The following LMNA variants were observed in gnomAD, a reference collection of about 807,000 sequenced individuals.
The protein encoded by LMNA is lamin A/C.
In LMNA, 20 loss-of-function variants were observed where a neutral mutation model predicts 70.4. That is an observed-to-expected ratio of 0.28 (90% CI 0.20 to 0.41). The LOEUF is 0.41. Ranked by LOEUF, LMNA falls within the 10% of genes least tolerant of loss-of-function variation. LMNA has a pLI of 1.00. For missense variants in LMNA, 652 were observed against 917.2 expected (o/e 0.71, Z 3.73); for synonymous variants, 339 against 372.8 (o/e 0.91, Z 1.04).
chr1:156,117,742 C>T (rs190375763), intron 1 of LMNA, among the ~76,000 whole-genome samples: 5 of 152,210 alleles, frequency 3.3e-5, no homozygotes, highest in Admixed American at 3.3e-4. Flanking sequence ...ATGTTGCCCA[C>T]AGTCTTGAAC....
chr1:156,136,444 C>G lies in LMNA; in HGVS notation c.1380+8C>G. On this transcript the variant is annotated splice_region_variant and intron_variant, in intron 7 of 11. Transcript: ENST00000368300. The surrounding 1 kb of genome is among the most constrained non-coding windows in gnomAD (Gnocchi z 6.1). ...CGCAACAAGTCCAATGAGGTAGGCT[C>G]CTGCTCAGGGTCTAAGGGGATACAG... The G allele has an allele frequency of 1.9e-6, 3 of 1,562,840 alleles. No individual in the cohort carries two copies. The highest frequency in any genetic ancestry group is 2.6e-6 in the Non-Finnish European group (3 of 1,154,204).
Position 156,136,612 on chromosome 1 carries a change from G to A in LMNA, c.1380+176G>A, listed in dbSNP as rs1651661775. On this transcript the variant is annotated intron_variant, in intron 7 of 11. Transcript: ENST00000368300. This position sits in a 1 kb window ranked among gnomAD's most constrained non-coding sequence, Gnocchi z 6.1. ...CCTGGCTCCTGGACTCTTTGGCTGT[G>A]AGACCTTGAGCAGGTTATTTAACCT... 1 of 735,976 alleles carries A rather than the reference G, an allele frequency of 1.4e-6. No homozygotes were observed. Among genetic ancestry groups the A allele is most frequent in the Non-Finnish European group, 2.4e-6 (1 of 425,006 alleles). 45.6% of individuals were successfully genotyped at this position (735,976 alleles called of 1,614,324 possible). A position where few individuals can be genotyped will look rare whatever the true frequency, so the allele number is the denominator to read the frequency against.
intron 3 of LMNA, among the ~76,000 whole-genome samples, chr1:156,107,135 C>T (rs1649378628): frequency 1.3e-5 from 2 of 152,178 alleles, no homozygotes; most frequent in South Asian, 4.1e-4. Flanking sequence ...CTTGCCTGTG[C>T]ACCTCAAAGA....
At position 156,139,917 on chromosome 1, in the gene LMNA, T is replaced by G; in HGVS notation, c.*811T>G. On this transcript the variant is annotated 3_prime_UTR_variant, in exon 12 of 12. Transcript: ENST00000368300. ...GGTGCTGGGAGGAGGGAGAGGGAGGTCACTGGAAAGGGGAGAGCCTGCTGG... is the reference window on the plus strand; with the variant it reads ...GGTGCTGGGAGGAGGGAGAGGGAGGGCACTGGAAAGGGGAGAGCCTGCTGG... 1 of 1,313,936 alleles carries G rather than the reference T, an allele frequency of 7.6e-7. No individual in the cohort carries two copies. The allele number at this position is 1,313,936 out of a possible 1,614,324, so 81.4% of individuals were successfully genotyped here.
upstream of LMNA, chr1:156,109,818 G>GTGTGTGTGTGTGTATATA (rs1553261281): frequency 6.4e-4 from 84 of 131,762 alleles, 1 homozygote; most frequent in African/African-American, 1.1e-3. Flanking sequence ...GTGTGTGTGT[G>GTGTGTGTGTGTGTATATA]CATATATATA....
Position 156,137,870 on chromosome 1 carries a change from G to T in LMNA, c.1698+127G>T. The T allele has an allele frequency of 1.3e-6, 2 of 1,520,884 alleles. No individual in the cohort carries two copies. Among genetic ancestry groups the T allele is most frequent in the Non-Finnish European group, 1.8e-6 (2 of 1,138,004 alleles). The allele number at this position is 1,520,884 out of a possible 1,614,324, so 94.2% of individuals were successfully genotyped here. A position where few individuals can be genotyped will look rare whatever the true frequency, so the allele number is the denominator to read the frequency against. On this transcript the variant is annotated intron_variant, in intron 10 of 11. Coordinates refer to ENST00000368300, the MANE Select transcript of LMNA (RefSeq NM_170707.4). The surrounding 1 kb of genome is among the most constrained non-coding windows in gnomAD (Gnocchi z 4.6). ...TAAAGAATGTTTTGGAACTTTACTCGCTGGCCTGGCCTTTCTTCTCTCTCC... is the reference window on the plus strand; with the variant it reads ...TAAAGAATGTTTTGGAACTTTACTCTCTGGCCTGGCCTTTCTTCTCTCTCC...
intron 3 of LMNA, among the ~76,000 whole-genome samples, chr1:156,094,778 T>C (rs1381270929): frequency 2.0e-5 from 3 of 151,732 alleles, no homozygotes; most frequent in African/African-American, 7.3e-5. Context: ...TTCTTTTTTT[T>C]TGATGGGGTC....
chr1:156,114,640 T>G, upstream of LMNA: 6 of 136,512 alleles, frequency 4.4e-5, no homozygotes, highest in East Asian at 1.9e-4. Context: ...GGACTGCCCC[T>G]TTAAGAGTAG....
intron 3 of LMNA, among the ~76,000 whole-genome samples, chr1:156,099,621 C>T (rs776398136): frequency 1.5e-4 from 23 of 152,040 alleles, no homozygotes; most frequent in Non-Finnish European, 2.9e-4. Flanking sequence ...TAGTGGCTCA[C>T]ACCGTAATCC....
chr1:156,127,259 T>C (rs1160688578), intron 1 of LMNA, among the ~76,000 whole-genome samples: 1 of 152,194 alleles, frequency 6.6e-6, no homozygotes, highest in Non-Finnish European at 1.5e-5. Flanking sequence ...CCTAGTCATC[T>C]CTTGGGGTGT....
upstream of LMNA, among the ~76,000 whole-genome samples, chr1:156,112,624 G>C (rs975734765): frequency 1.3e-5 from 2 of 152,164 alleles, no homozygotes; most frequent in African/African-American, 4.8e-5. Context: ...CTGAGGGTGG[G>C]TGCCACGCCC....
chr1:156,096,088 A>T (rs1406321301), intron 3 of LMNA, among the ~76,000 whole-genome samples: 2 of 152,092 alleles, frequency 1.3e-5, no homozygotes, highest in Non-Finnish European at 2.9e-5. Flanking sequence ...CTCTGACCCA[A>T]CACATGCCTC....
chr1:156,126,913 C>A, intron 1 of LMNA: 1 of 1,599,820 alleles, frequency 6.3e-7, no homozygotes, highest in East Asian at 2.3e-5. Flanking sequence ...CAGGGTCTCC[C>A]CTGTGAGCAC....
Position 156,137,463 on chromosome 1 carries a change from C to A in LMNA, c.1609-191C>A. 1 of 772,746 alleles carries A rather than the reference C, an allele frequency of 1.3e-6. No homozygotes were observed. The highest frequency in any genetic ancestry group is 1.6e-5 in the South Asian group (1 of 63,852). The allele number at this position is 772,746 out of a possible 1,614,324, so 47.9% of individuals were successfully genotyped here. On this transcript the variant is annotated intron_variant, in intron 9 of 11. Transcript: ENST00000368300. This position sits in a 1 kb window ranked among gnomAD's most constrained non-coding sequence, Gnocchi z 4.6. ...GTTAAAGGCAGAGCCATACTCCTAC[C>A]CGGAGAGCTTGACAGTGTCCCTCTG...
At chr1:156,127,377 A>G (rs1650675198) in intron 1 of LMNA, among the ~76,000 whole-genome samples, 1 of 152,020 alleles carries the variant, frequency 6.6e-6, no homozygotes, top group African/African-American at 2.4e-5. Flanking sequence ...AGAAAACCAC[A>G]AAGGTTCTTC....
At position 156,138,950 on chromosome 1, in the gene LMNA, C is replaced by A. The variant is rs1651896186; in HGVS notation, c.1969-130C>A. 4 of 1,310,168 alleles carry A rather than the reference C, an allele frequency of 3.1e-6. No individual in the cohort carries two copies. The highest frequency in any genetic ancestry group is 4.4e-6 in the Non-Finnish European group (4 of 910,740). 81.2% of individuals were successfully genotyped at this position (1,310,168 alleles called of 1,614,324 possible). ...CTGCCCCTCTTGTCTGAGCCCCAGA[C>A]TGGAGGGCAGGGGCAGGGCTGGAGT... On this transcript the variant is annotated intron_variant, in intron 11 of 11. Transcript: ENST00000368300. This position sits in a 1 kb window ranked among gnomAD's most constrained non-coding sequence, Gnocchi z 5.5.
chr1:156,134,573 G>A lies in LMNA; in HGVS notation c.639+45G>A, dbSNP rs766737393. ...AGCCAGAGGGCTGGGGCTGGGTGAT[G>A]ACAGACTTGGGCTGGGCTAGGGGGG... is the stretch of plus-strand genomic sequence containing the variant. On this transcript the variant is annotated intron_variant, in intron 3 of 11. Coordinates refer to ENST00000368300, the MANE Select transcript of LMNA (RefSeq NM_170707.4). This position sits in a 1 kb window ranked among gnomAD's most constrained non-coding sequence, Gnocchi z 5.3. 1.1e-5 allele frequency: 17 copies of A among 1,612,166 alleles called. No individual in the cohort carries two copies. Among genetic ancestry groups the A allele is most frequent in the Non-Finnish European group, 1.4e-5 (16 of 1,179,774 alleles).
chr1:156,086,927 C>T (rs1416663844), intron 2 of LMNA, among the ~76,000 whole-genome samples: 1 of 152,212 alleles, frequency 6.6e-6, no homozygotes, highest in Non-Finnish European at 1.5e-5. Flanking sequence ...AGGCGTGAGC[C>T]ACCGCGCCCG....
At chr1:156,101,544 G>A (rs1307736836) in intron 3 of LMNA, among the ~76,000 whole-genome samples, 1 of 150,990 alleles carries the variant, frequency 6.6e-6, no homozygotes, top group African/African-American at 2.4e-5. Context: ...ACTGTGGGAA[G>A]GAGAAACAAT....
Sources: gnomAD v4.1 joint callset for allele counts (sites outside exome capture counted in the v4.1 genomes callset) on GRCh38, gnomAD v4.1.1 for gene constraint, Gnocchi (gnomAD v3.1) non-coding constraint, MANE v1.5 for transcripts, NCBI Gene and HGNC (gene_info 2026-07-23, HGNC 2026-07-21) for gene names.